The following IRAG2 variants were observed in gnomAD, a reference collection of about 807,000 sequenced individuals.
IRAG2 encodes inositol 1,4,5-triphosphate receptor associated 2.
IRAG2 carries 45 observed loss-of-function variants against 69.9 expected under a neutral mutation model. That is an observed-to-expected ratio of 0.64 (90% CI 0.51 to 0.83). The LOEUF (loss-of-function observed/expected upper bound fraction) is 0.83, where lower values mean the gene tolerates loss of function less well. IRAG2 is among the 40% of genes least tolerant of loss of function. The pLI, the probability that IRAG2 is intolerant of heterozygous loss-of-function variation, is 0.00. For synonymous variants in IRAG2, 193 were observed against 202.4 expected (o/e 0.95, Z 0.40); for missense variants, 520 against 587.0 (o/e 0.89, Z 1.18).
chr12:25,101,599 C>A (rs1277251502), intron 16 of IRAG2, among the ~76,000 whole-genome samples: 1 of 152,140 alleles, frequency 6.6e-6, no homozygotes, highest in Non-Finnish European at 1.5e-5. Flanking sequence ...ATGAAGTTGA[C>A]CTTAGTGTTC....
intron 14 of IRAG2, chr12:25,036,503 T>G: frequency 2.5e-6 from 1 of 397,482 alleles, no homozygotes; most frequent in Non-Finnish European, 4.4e-6. Context: ...GTTACCTATA[T>G]AGTAGAATTT....
intron 4 of IRAG2, among the ~76,000 whole-genome samples, chr12:25,065,678 A>G (rs1945934840): frequency 6.6e-6 from 1 of 152,208 alleles, no homozygotes; most frequent in African/African-American, 2.4e-5. Context: ...GCCGTGTTCC[A>G]GTAAAACTTT....
intron 12 of IRAG2, among the ~76,000 whole-genome samples, chr12:25,032,940 C>T (rs1293100632): frequency 1.4e-5 from 2 of 144,994 alleles, no homozygotes; most frequent in East Asian, 4.1e-4. Flanking sequence ...TACCCTGGAA[C>T]TAAGTAACTC....
intron 6 of IRAG2, among the ~76,000 whole-genome samples, chr12:25,077,218 G>A (rs1417479120): frequency 3.2e-5 from 2 of 62,172 alleles, no homozygotes; most frequent in Admixed American, 2.1e-4. Context: ...TGATATATAT[G>A]AAATATATAT....
At chr12:25,016,151 G>C (rs1285064489) in intron 5 of IRAG2, among the ~76,000 whole-genome samples, 1 of 151,232 alleles carries the variant, frequency 6.6e-6, no homozygotes, top group African/African-American at 2.4e-5. Context: ...AGCTGATATC[G>C]TGCCATTGTG....
intron 15 of IRAG2, among the ~76,000 whole-genome samples, chr12:25,098,686 CACAA>C (rs1448061947): frequency 2.0e-5 from 3 of 151,534 alleles, no homozygotes; most frequent in African/African-American, 7.3e-5. Context: ...ACAAAACAAA[CACAA>C]ACAAAATAAC....
chr12:25,051,420 T>G (rs950599314), upstream of IRAG2, among the ~76,000 whole-genome samples: 4 of 152,222 alleles, frequency 2.6e-5, no homozygotes, highest in African/African-American at 9.6e-5. Context: ...TCTTCCTTGC[T>G]GTTTTGCAAC....
chr12:25,066,943 C>G (rs149698801), intron 5 of IRAG2, among the ~76,000 whole-genome samples: 1 of 152,078 alleles, frequency 6.6e-6, no homozygotes, highest in East Asian at 1.9e-4. Context: ...AGCCACCACG[C>G]CCAGCCGAAA....
intron 13 of IRAG2, 116 bp from the exon 14 acceptor site, chr12:25,089,941 A>T (rs1006900731): frequency 6.9e-6 from 9 of 1,306,060 alleles, no homozygotes; most frequent in Middle Eastern, 1.9e-4. Context: ...GCATGTCAGC[A>T]TTATGTTGCT....
Position 25,036,627 on chromosome 12 carries a change from C to T in IRAG2, c.1921C>T (p.Arg641Ter), listed in dbSNP as rs1259137682. The T allele has an allele frequency of 3.0e-5, 12 of 398,740 alleles. No individual in the cohort carries two copies. Among genetic ancestry groups the T allele is most frequent in the Admixed American group, 1.3e-4 (3 of 22,712 alleles). 24.7% of individuals were successfully genotyped at this position (398,740 alleles called of 1,614,324 possible). The change falls in exon 15 of 39, where the codon CGA (arginine) becomes TGA (stop). Residue 641 changes from arginine (R) to a stop codon, truncating the protein, a stop_gained. Coordinates refer to the IRAG2 transcript ENST00000636465. LOFTEE classifies it high-confidence loss of function. Reference sequence around the variant, plus strand: ...AATTGCAACCCTCATTGAAAACTCTCGACGGTGGGTAACTAATCCAGAAAT... The same window carrying T: ...AATTGCAACCCTCATTGAAAACTCTTGACGGTGGGTAACTAATCCAGAAAT...
intron 6 of IRAG2, among the ~76,000 whole-genome samples, chr12:25,071,569 A>G (rs1235257708): frequency 6.6e-6 from 1 of 152,178 alleles, no homozygotes; most frequent in African/African-American, 2.4e-5. Flanking sequence ...CCCACATGCC[A>G]TGTGATTAAT....
At chr12:25,003,215 A>T (rs1944405341), upstream of IRAG2, among the ~76,000 whole-genome samples, 1 of 152,240 alleles carries the variant, frequency 6.6e-6, no homozygotes, top group Non-Finnish European at 1.5e-5. Context: ...AAAAAGATTC[A>T]TGGAAATTTC....
intron 10 of IRAG2, among the ~76,000 whole-genome samples, chr12:25,031,527 C>G (rs1202152181): frequency 6.6e-6 from 1 of 152,156 alleles, no homozygotes; most frequent in Non-Finnish European, 1.5e-5. Context: ...TTTAACACAT[C>G]ATGATGATAA....
chr12:25,077,948 T>C (rs1205336365), intron 6 of IRAG2, among the ~76,000 whole-genome samples: 1 of 152,204 alleles, frequency 6.6e-6, no homozygotes, highest in Admixed American at 6.5e-5. Flanking sequence ...TTAAAAATCA[T>C]CAACCAGTCT....
rs1294033405 is a variant in IRAG2, at chr12:25,104,377, A to T, written c.1063A>T (p.Lys355Ter). The T allele has an allele frequency of 6.2e-7, 1 of 1,610,918 alleles. No homozygotes were observed. The highest frequency in any genetic ancestry group is 1.3e-5 in the African/African-American group (1 of 74,870). Residue 355 changes from lysine (K) to a stop codon, truncating the protein, a stop_gained, in exon 20 of 22, where the codon AAG becomes TAG. Coordinates refer to ENST00000556887, the MANE Select transcript of IRAG2 (RefSeq NM_001366544.2). LOFTEE classifies it high-confidence loss of function. The stretch of plus-strand genomic sequence containing the variant: ...TTTATTTAGGCGTATTTTGGGGTCA[A>T]AGCAGAGTGAACACCGTCCCTCATT... ...RSSSWRILGS[K>*]QSEHRPSLPR...
At chr12:25,068,163 G>T (rs781547029) in intron 5 of IRAG2, among the ~76,000 whole-genome samples, 46 of 152,146 alleles carry the variant, frequency 3.0e-4, no homozygotes, top group Non-Finnish European at 5.4e-4. Context: ...CAGAGACAAG[G>T]TTTCTCCATG....
intron 15 of IRAG2, among the ~76,000 whole-genome samples, chr12:25,100,199 G>C (rs996356701): frequency 1.3e-5 from 2 of 151,824 alleles, no homozygotes; most frequent in African/African-American, 4.8e-5. Flanking sequence ...AAGGAAGTAA[G>C]GAAGTTGGAA....
At chr12:25,100,088 A>G (rs1182014827) in intron 15 of IRAG2, among the ~76,000 whole-genome samples, 1 of 151,924 alleles carries the variant, frequency 6.6e-6, no homozygotes, top group African/African-American at 2.4e-5. Flanking sequence ...ATAAGCAGGT[A>G]AAAAGATATT....
intron 7 of IRAG2, among the ~76,000 whole-genome samples, chr12:25,023,126 C>CAAA (rs139607228): frequency 8.9e-6 from 1 of 112,558 alleles, no homozygotes; most frequent in Non-Finnish European, 1.9e-5. Flanking sequence ...GACTTCGTCT[C>CAAA]AAAAAAAAAA....
Sources: gnomAD v4.1 joint callset for allele counts (sites outside exome capture counted in the v4.1 genomes callset) on GRCh38, gnomAD v4.1.1 for gene constraint, MANE v1.5 for transcripts, NCBI Gene and HGNC (gene_info 2026-07-23, HGNC 2026-07-21) for gene names.